Variants in KCNB2 observed in about 807,000 individuals in gnomAD.
KCNB2 encodes the protein delayed rectifier potassium channel protein.
In KCNB2, 15 loss-of-function variants were observed where a neutral mutation model predicts 61.5. The observed-to-expected ratio is 0.24, with a 90% CI of 0.16 to 0.38. KCNB2 has a LOEUF of 0.38. Ranked by LOEUF, KCNB2 falls within the 10% of genes least tolerant of loss-of-function variation. The pLI is 1.00. For missense variants in KCNB2, 828 were observed against 1,125.2 expected (o/e 0.74, Z 3.78); for synonymous variants, 457 against 446.0 (o/e 1.02, Z -0.31).
Position 72,937,856 on chromosome 8 carries a change from T to G in KCNB2, c.2501T>G (p.Phe834Cys). ...EKQVDSSPNC[F>C]ADKPSDGRDP... ...CAGGTGGACTCCAGCCCAAATTGCTTTGCAGATAAGCCTAGTGATGGGAGA... is the reference window on the plus strand; with the variant it reads ...CAGGTGGACTCCAGCCCAAATTGCTGTGCAGATAAGCCTAGTGATGGGAGA... The change falls in exon 3 of 3, where the codon TTT (phenylalanine) becomes TGT (cysteine). Residue 834 changes from phenylalanine to cysteine, a missense_variant. By Grantham distance (205) the Phe-to-Cys change is radical. This residue lies in a region of KCNB2 where 559 missense variants were observed against 588.4 expected (regional missense o/e 0.95). Coordinates refer to ENST00000523207, the MANE Select transcript of KCNB2 (RefSeq NM_004770.3). 4 of 1,614,092 alleles carry G rather than the reference T, an allele frequency of 2.5e-6. No individual in the cohort carries two copies. Among genetic ancestry groups the G allele is most frequent in the Non-Finnish European group, 3.4e-6 (4 of 1,179,998 alleles).
At chr8:72,646,342 T>C (rs961144013) in intron 2 of KCNB2, among the ~76,000 whole-genome samples, 1 of 152,154 alleles carries the variant, frequency 6.6e-6, no homozygotes, top group African/African-American at 2.4e-5. Flanking sequence ...TTAAGAGACA[T>C]ATTTTTTTCT....
intron 2 of KCNB2, among the ~76,000 whole-genome samples, chr8:72,661,827 G>T (rs772669672): frequency 4.5e-4 from 68 of 152,110 alleles, no homozygotes; most frequent in Non-Finnish European, 9.1e-4. Flanking sequence ...TTTCTCAAAG[G>T]CCTGCTCTAA....
chr8:72,580,698 G>T (rs1806877788), intron 2 of KCNB2, among the ~76,000 whole-genome samples: 3 of 152,070 alleles, frequency 2.0e-5, no homozygotes, highest in Admixed American at 2.0e-4. Flanking sequence ...CCTACTGCAA[G>T]TTCTCTTACC....
chr8:72,739,512 A>C (rs917538638), intron 2 of KCNB2, among the ~76,000 whole-genome samples: 1 of 152,130 alleles, frequency 6.6e-6, no homozygotes, highest in Admixed American at 6.6e-5. Context: ...TAGAGGAGAA[A>C]ACTTTTAAAG....
At chr8:72,745,074 C>T (rs1047341236) in intron 2 of KCNB2, among the ~76,000 whole-genome samples, 2 of 152,196 alleles carry the variant, frequency 1.3e-5, no homozygotes, top group Non-Finnish European at 2.9e-5. Context: ...CTCTCTTTCA[C>T]CTCCTGAATT....
chr8:72,672,830 T>C (rs1380390407), intron 2 of KCNB2, among the ~76,000 whole-genome samples: 1 of 152,210 alleles, frequency 6.6e-6, no homozygotes, highest in East Asian at 1.9e-4. Flanking sequence ...ATATCATGCA[T>C]GCTGTTATTG....
chr8:72,669,830 T>G lies in KCNB2; in HGVS notation c.579+101517T>G, dbSNP rs1190830509. Among the ~76,000 whole-genome samples, 3 of 152,222 alleles carry G rather than the reference T, an allele frequency of 2.0e-5. No homozygotes were observed. The East Asian group carries it at 5.8e-4, about 29-fold the overall frequency. On this transcript the variant is annotated intron_variant, in intron 2 of 2. Transcript: ENST00000523207. ...CACCTAGGACTACCCCATGCCAGCC[T>G]CGTTGCCTACTTTTTCCAGCCCTCA...
chr8:72,741,572 C>T (rs1807960518), intron 2 of KCNB2, among the ~76,000 whole-genome samples: 1 of 151,902 alleles, frequency 6.6e-6, no homozygotes, highest in Non-Finnish European at 1.5e-5. Flanking sequence ...CATTCCACCC[C>T]CTCACTCTTC....
intron 2 of KCNB2, among the ~76,000 whole-genome samples, chr8:72,684,213 G>A (rs1320378326): frequency 6.6e-6 from 1 of 152,212 alleles, no homozygotes; most frequent in African/African-American, 2.4e-5. Flanking sequence ...TGGCTTTCAA[G>A]TTCCTGGCTT....
chr8:72,739,651 A>T (rs1807914130), intron 2 of KCNB2, among the ~76,000 whole-genome samples: 1 of 152,042 alleles, frequency 6.6e-6, no homozygotes, highest in African/African-American at 2.4e-5. Flanking sequence ...CTTTGAGTTT[A>T]TAGAAGAATG....
At chr8:72,603,480 A>G (rs1158383471) in intron 2 of KCNB2, among the ~76,000 whole-genome samples, 1 of 152,104 alleles carries the variant, frequency 6.6e-6, no homozygotes, top group Non-Finnish European at 1.5e-5. Context: ...ATTTCCATTC[A>G]TATGTCACCT....
At chr8:72,587,780 G>A (rs1007743091) in intron 2 of KCNB2, among the ~76,000 whole-genome samples, 1 of 152,034 alleles carries the variant, frequency 6.6e-6, no homozygotes, top group Non-Finnish European at 1.5e-5. Context: ...TCCATAACAG[G>A]ATGAAACTTT....
chr8:72,921,594 C>G (rs1806520833), intron 2 of KCNB2, among the ~76,000 whole-genome samples: 1 of 152,124 alleles, frequency 6.6e-6, no homozygotes, highest in African/African-American at 2.4e-5. Flanking sequence ...TTTAAATTTC[C>G]TAACATCAAA....
At chr8:72,813,548 CTT>C (rs1198847821) in intron 2 of KCNB2, among the ~76,000 whole-genome samples, 1 of 151,416 alleles carries the variant, frequency 6.6e-6, no homozygotes, top group East Asian at 1.9e-4. Context: ...CAAAGGTAAA[CTT>C]TGTCAAATTT....
chr8:72,646,000 G>A (rs1806123921), intron 2 of KCNB2, among the ~76,000 whole-genome samples: 1 of 152,082 alleles, frequency 6.6e-6, no homozygotes, highest in Non-Finnish European at 1.5e-5. Context: ...TTTCATTAGT[G>A]TTGTCACAAG....
chr8:72,667,612 C>G (rs1285697532), intron 2 of KCNB2, among the ~76,000 whole-genome samples: 2 of 152,112 alleles, frequency 1.3e-5, no homozygotes, highest in Non-Finnish European at 2.9e-5. Flanking sequence ...AATTCTGCTT[C>G]CTCCATATCA....
intron 2 of KCNB2, among the ~76,000 whole-genome samples, chr8:72,678,416 A>C (rs553656216): frequency 6.6e-6 from 1 of 151,976 alleles, no homozygotes; most frequent in African/African-American, 2.4e-5. Flanking sequence ...TTCTTCACTC[A>C]TTCTGTTGCA....
At chr8:72,887,893 A>G (rs979466428) in intron 2 of KCNB2, among the ~76,000 whole-genome samples, 1 of 152,198 alleles carries the variant, frequency 6.6e-6, no homozygotes. Flanking sequence ...TGAACACACC[A>G]TTGCAATCCT....
At chr8:72,835,634 C>T (rs1809768499) in intron 2 of KCNB2, among the ~76,000 whole-genome samples, 2 of 152,078 alleles carry the variant, frequency 1.3e-5, no homozygotes, top group South Asian at 2.1e-4. Context: ...TGTAAGGACC[C>T]CAGGGGTGTA....
Sources: gnomAD v4.1 joint callset for allele counts (sites outside exome capture counted in the v4.1 genomes callset) on GRCh38, gnomAD v4.1.1 for gene constraint, gnomAD v4.1.1 regional missense constraint, MANE v1.5 for transcripts, NCBI Gene and HGNC (gene_info 2026-07-23, HGNC 2026-07-21) for gene names.